HIVEP3: variants seen among roughly 807,000 people sequenced by gnomAD.
HIVEP3 encodes the protein HIVEP zinc finger 3, also known as transcription factor HIVEP3.
In HIVEP3, 49 loss-of-function variants were observed where a neutral mutation model predicts 152.8. The observed-to-expected ratio is 0.32, with a 90% CI of 0.26 to 0.41. The LOEUF (loss-of-function observed/expected upper bound fraction) is 0.41. Ranked by LOEUF, HIVEP3 falls within the 10% of genes least tolerant of loss-of-function variation. The pLI is 1.00. For missense variants in HIVEP3, 2,790 were observed against 3,103.3 expected (o/e 0.90, Z 2.40); for synonymous variants, 1,269 against 1,289.0 (o/e 0.98, Z 0.33).
At chr1:41,943,967 A>G (rs866678897) in intron 1 of HIVEP3, among the ~76,000 whole-genome samples, 2 of 152,250 alleles carry the variant, frequency 1.3e-5, no homozygotes, top group Non-Finnish European at 2.9e-5. Context: ...GACACATGCT[A>G]CTACACAGAT....
intron 3 of HIVEP3, among the ~76,000 whole-genome samples, chr1:41,592,347 C>G (rs955547156): frequency 2.6e-5 from 4 of 152,210 alleles, no homozygotes; most frequent in African/African-American, 7.2e-5. Context: ...GCTGAATGAT[C>G]TCAAGATCAC....
At chr1:41,920,577 G>GTTTTTTTTTTTTT (rs10708045), upstream of HIVEP3, among the ~76,000 whole-genome samples, 1 of 123,180 alleles carries the variant, frequency 8.1e-6, no homozygotes, top group African/African-American at 2.6e-5. Flanking sequence ...AAACAAGATG[G>GTTTTTTTTTTTTT]TTTTTTTTTT....
intron 2 of HIVEP3, among the ~76,000 whole-genome samples, chr1:41,688,366 G>A (rs1485640763): frequency 6.6e-6 from 1 of 152,220 alleles, no homozygotes; most frequent in Non-Finnish European, 1.5e-5. Flanking sequence ...GAGAATGAAC[G>A]TAAATTCAGA....
intron 1 of HIVEP3, among the ~76,000 whole-genome samples, chr1:42,013,112 G>A (rs972094264): frequency 2.0e-5 from 3 of 152,140 alleles, no homozygotes; most frequent in Non-Finnish European, 4.4e-5. Context: ...CTGAAGGAAG[G>A]ATGTGTTCTA....
chr1:41,591,205 G>T (rs1312702529), intron 3 of HIVEP3, among the ~76,000 whole-genome samples: 1 of 152,172 alleles, frequency 6.6e-6, no homozygotes, highest in Non-Finnish European at 1.5e-5. Context: ...ACTGACTGGG[G>T]TTACCATGTA....
chr1:41,602,688 G>A (rs1644765009), intron 3 of HIVEP3, among the ~76,000 whole-genome samples: 1 of 151,802 alleles, frequency 6.6e-6, no homozygotes, highest in African/African-American at 2.4e-5. Flanking sequence ...CCAACTCTTA[G>A]TTTCATTGAT....
chr1:41,812,300 A>G (rs1339542679), intron 1 of HIVEP3, among the ~76,000 whole-genome samples: 1 of 152,136 alleles, frequency 6.6e-6, no homozygotes, highest in African/African-American at 2.4e-5. Context: ...GGCCGGGTGC[A>G]GTGGCTCATG....
At chr1:41,866,076 C>T (rs1643966351) in intron 1 of HIVEP3, among the ~76,000 whole-genome samples, 1 of 152,204 alleles carries the variant, frequency 6.6e-6, no homozygotes, top group Non-Finnish European at 1.5e-5. Context: ...GGATAACTAT[C>T]CAGCCGAGGC....
intron 1 of HIVEP3, among the ~76,000 whole-genome samples, chr1:41,849,785 G>A (rs950072335): frequency 3.3e-5 from 5 of 151,862 alleles, no homozygotes; most frequent in African/African-American, 9.7e-5. Flanking sequence ...CTGCCTCCTG[G>A]GTTCAAGCAA....
chr1:41,584,790 G>T lies in HIVEP3; in HGVS notation c.8C>A (p.Pro3His). The T allele has an allele frequency of 6.6e-7, 1 of 1,513,440 alleles. No individual in the cohort carries two copies. Among genetic ancestry groups the T allele is most frequent in the Non-Finnish European group, 8.8e-7 (1 of 1,132,130 alleles). 93.8% of individuals were successfully genotyped at this position (1,513,440 alleles called of 1,614,324 possible). Residue 3 changes from proline to histidine, a missense_variant, in exon 4 of 9, where the codon CCT becomes CAT. Pro to His is a moderately conservative substitution (Grantham distance 77). This residue lies in a region of HIVEP3 where 209 missense variants were observed against 237.0 expected (regional missense o/e 0.88). Transcript: ENST00000372583. The surrounding 1 kb of genome is among the most constrained non-coding windows in gnomAD (Gnocchi z 5.2). The stretch of plus-strand genomic sequence containing the variant: ...CTTGGTGCCCTTGACACTTTGTTCA[G>T]GATCCATGACCTTCACAAAGACTTC... MD[P>H]EQSVKGTKKA... is the part of the protein sequence containing the mutation.
chr1:41,586,622 T>C (rs892485886), intron 3 of HIVEP3, among the ~76,000 whole-genome samples: 2 of 152,178 alleles, frequency 1.3e-5, no homozygotes, highest in African/African-American at 4.8e-5. Flanking sequence ...TGTGTGATGA[T>C]ACAGACTTGA....
intron 1 of HIVEP3, among the ~76,000 whole-genome samples, chr1:41,711,782 C>T (rs1298712685): frequency 6.6e-6 from 1 of 152,172 alleles, no homozygotes; most frequent in Admixed American, 6.5e-5. Context: ...CACCACGTGG[C>T]TGGCAGGGGC....
rs1312870449 is a variant in HIVEP3 at position 41,582,282 on chromosome 1, G to A, written c.2516C>T (p.Ser839Phe). 2 of 1,614,150 alleles carry A rather than the reference G, an allele frequency of 1.2e-6. No homozygotes were observed. The highest frequency in any genetic ancestry group is 1.1e-5 in the South Asian group (1 of 91,068). The stretch of plus-strand genomic sequence containing the variant: ...CAACTTAGGCTGCAGGGAGTGAGCA[G>A]AGCGTCCGTGTGGGGCAGGTGGGGG... ...PSPPPAPHGRSAHSLQPKLVR... is the reference protein window; with the variant it reads ...PSPPPAPHGRFAHSLQPKLVR... Residue 839 changes from serine to phenylalanine, a missense_variant, in exon 4 of 9, where the codon TCT becomes TTT. This residue lies in a region of HIVEP3 where 1,078 missense variants were observed against 1,165.3 expected (regional missense o/e 0.93). Coordinates refer to ENST00000372583, the MANE Select transcript of HIVEP3 (RefSeq NM_024503.5). This position sits in a 1 kb window ranked among gnomAD's most constrained non-coding sequence, Gnocchi z 4.7.
At chr1:41,958,912 C>T (rs745515065) in intron 1 of HIVEP3, among the ~76,000 whole-genome samples, 30 of 152,270 alleles carry the variant, frequency 2.0e-4, no homozygotes, top group Non-Finnish European at 2.5e-4. Context: ...TGTGGCTGGA[C>T]CTGTGGGAGT....
chr1:41,713,428 A>G (rs1303652523), intron 1 of HIVEP3, among the ~76,000 whole-genome samples: 1 of 152,240 alleles, frequency 6.6e-6, no homozygotes, highest in East Asian at 1.9e-4. Flanking sequence ...TTCAGCCACG[A>G]AAGTTTAACT....
At chr1:41,763,762 A>T (rs1647838533) in intron 1 of HIVEP3, among the ~76,000 whole-genome samples, 1 of 152,210 alleles carries the variant, frequency 6.6e-6, no homozygotes. Context: ...TAGTGGAGGT[A>T]AAATACACAG....
intron 2 of HIVEP3, among the ~76,000 whole-genome samples, chr1:41,642,037 CAG>C: frequency 6.6e-6 from 1 of 152,352 alleles, no homozygotes; most frequent in South Asian, 2.1e-4. Flanking sequence ...GTGCTTAGAA[CAG>C]GGCCTGGCCC....
At chr1:41,871,709 C>T (rs1180229404) in intron 1 of HIVEP3, among the ~76,000 whole-genome samples, 11 of 152,156 alleles carry the variant, frequency 7.2e-5, no homozygotes, top group South Asian at 6.2e-4. Flanking sequence ...AGAATCTGTG[C>T]GTTACTCGAC....
intron 1 of HIVEP3, among the ~76,000 whole-genome samples, chr1:41,802,750 T>A (rs1369707912): frequency 2.0e-5 from 3 of 152,190 alleles, no homozygotes; most frequent in Non-Finnish European, 2.9e-5. Flanking sequence ...ACATAGCAAG[T>A]ATCAATTAAC....
Sources: gnomAD v4.1 joint callset for allele counts (sites outside exome capture counted in the v4.1 genomes callset) on GRCh38, gnomAD v4.1.1 for gene constraint, gnomAD v4.1.1 regional missense constraint, Gnocchi (gnomAD v3.1) non-coding constraint, MANE v1.5 for transcripts, NCBI Gene and HGNC (gene_info 2026-07-23, HGNC 2026-07-21) for gene names.